ATP9B: variants seen among roughly 807,000 people sequenced by gnomAD.
The protein encoded by ATP9B is probable phospholipid-transporting ATPase IIB.
In ATP9B, 110 loss-of-function variants were observed where a neutral mutation model predicts 146.1. The ratio of observed to expected loss-of-function variants is 0.75; its 90% CI spans 0.65 to 0.88. The LOEUF (loss-of-function observed/expected upper bound fraction) is 0.88. Among genes scored for constraint, ATP9B ranks in the 40% least tolerant of loss-of-function variants. ATP9B has a pLI of 0.00. For missense variants in ATP9B, 1,499 were observed against 1,496.4 expected (o/e 1.00, Z -0.03); for synonymous variants, 604 against 569.7 (o/e 1.06, Z -0.86).
chr18:79,284,342 A>G (rs1555808077), intron 13 of ATP9B, among the ~76,000 whole-genome samples: 2 of 152,152 alleles, frequency 1.3e-5, no homozygotes, highest in Non-Finnish European at 2.9e-5. Flanking sequence ...TGTAATTAAC[A>G]TTTTGGGGGT....
At chr18:79,303,177 T>C (rs986593826) in intron 13 of ATP9B, among the ~76,000 whole-genome samples, 5 of 152,076 alleles carry the variant, frequency 3.3e-5, no homozygotes, top group Non-Finnish European at 5.9e-5. Flanking sequence ...GGCTGGGCAA[T>C]GTAGGGAGTC....
chr18:79,192,156 T>C (rs992979792), intron 8 of ATP9B, among the ~76,000 whole-genome samples: 13 of 152,192 alleles, frequency 8.5e-5, no homozygotes, highest in African/African-American at 3.1e-4. Context: ...TGAGCTTCCA[T>C]TTCTTTCTCA....
At chr18:79,073,619 G>A (rs968758357) in intron 1 of ATP9B, among the ~76,000 whole-genome samples, 1 of 152,090 alleles carries the variant, frequency 6.6e-6, no homozygotes, top group Non-Finnish European at 1.5e-5. Context: ...CGTGGAAAGC[G>A]GGAGACGGAG....
chr18:79,075,100 G>A (rs1399496058), intron 1 of ATP9B, among the ~76,000 whole-genome samples: 6 of 147,744 alleles, frequency 4.1e-5, no homozygotes, highest in Admixed American at 2.7e-4. Flanking sequence ...TTTTTGAGAC[G>A]GAGTCTCACT....
rs2094743139 is a variant in ATP9B at position 79,154,491 on chromosome 18, A to G, written c.727-13A>G. 1 of 1,530,700 alleles carries G rather than the reference A, an allele frequency of 6.5e-7. No individual in the cohort carries two copies. Among genetic ancestry groups the G allele is most frequent in the Non-Finnish European group, 8.7e-7 (1 of 1,145,602 alleles). 94.8% of individuals were successfully genotyped at this position (1,530,700 alleles called of 1,614,324 possible). On this transcript the variant is annotated splice_polypyrimidine_tract_variant and intron_variant, in intron 6 of 29. Coordinates refer to ENST00000426216, the MANE Select transcript of ATP9B (RefSeq NM_198531.5). ...GCATATAGATAATTAATCTTTTATA[A>G]TGCTCTTTGCAGAATCAAAGAATTC...
chr18:79,205,311 A>G (rs2095523361), intron 9 of ATP9B, among the ~76,000 whole-genome samples: 1 of 152,292 alleles, frequency 6.6e-6, no homozygotes, highest in South Asian at 2.1e-4. Context: ...AGAGAATCAG[A>G]TATCTAGCAA....
At chr18:79,180,975 GTT>G (rs199971384) in intron 8 of ATP9B, among the ~76,000 whole-genome samples, 7 of 140,634 alleles carry the variant, frequency 5.0e-5, no homozygotes, top group Non-Finnish European at 6.3e-5. Context: ...TTGTTTTTTT[GTT>G]TTTTTTTTTT....
At chr18:79,207,390 G>C (rs993181115) in intron 10 of ATP9B, among the ~76,000 whole-genome samples, 1 of 152,242 alleles carries the variant, frequency 6.6e-6, no homozygotes, top group African/African-American at 2.4e-5. Flanking sequence ...ATCCGACAAG[G>C]GTTGGCAGGA....
intron 1 of ATP9B, among the ~76,000 whole-genome samples, chr18:79,090,896 A>G (rs2074267038): frequency 6.6e-6 from 1 of 152,086 alleles, no homozygotes; most frequent in African/African-American, 2.4e-5. Flanking sequence ...ATTTTCTTGT[A>G]ATAGTTTCAT....
chr18:79,310,021 C>G (rs1022197812), intron 15 of ATP9B, among the ~76,000 whole-genome samples: 2 of 152,158 alleles, frequency 1.3e-5, no homozygotes, highest in East Asian at 3.8e-4. Context: ...ATTCCACAGA[C>G]AGTGGAAATA....
Position 79,206,921 on chromosome 18 carries a change from T to C in ATP9B, c.955-16T>C, listed in dbSNP as rs761188722. The C allele has an allele frequency of 6.2e-7, 1 of 1,612,104 alleles. No individual in the cohort carries two copies. ...ATCATTTGACGGTTTTGTTTTCTTT[T>C]TGTCTCCCTGCACAGGAAGACAGTG... On this transcript the variant is annotated splice_polypyrimidine_tract_variant and intron_variant, in intron 9 of 29. Transcript: ENST00000426216.
In ATP9B at chr18:79,348,144, TCA is replaced by T. The variant is rs1369868927; in HGVS notation, c.2852_2853del (p.Ser951CysfsTer87). On this transcript the variant is annotated frameshift_variant, in exon 25 of 30. Transcript: ENST00000426216. LOFTEE classifies it high-confidence loss of function. The stretch of plus-strand genomic sequence containing the variant: ...GCTCTCTCTCCAGGCTGTGTTTTCC[TCA>T]GTCTTCTACTTCGCATCCGTCCCTT... ...IISTMQAVFSSVFYFASVPLY... is the reference protein window; with the variant it reads ...IISTMQAVFSXVFYFASVPLY... 1 of 1,613,032 alleles carries T rather than the reference TCA, an allele frequency of 6.2e-7. No individual in the cohort carries two copies.
intron 17 of ATP9B, among the ~76,000 whole-genome samples, chr18:79,332,197 A>G (rs1223600591): frequency 2.0e-5 from 3 of 152,242 alleles, no homozygotes; most frequent in Non-Finnish European, 4.4e-5. Context: ...TGGGAGGCCA[A>G]GGCGGGCAGA....
At position 79,307,109 on chromosome 18, in the gene ATP9B, CTG is replaced by C; in HGVS notation, c.1652_1653del (p.Cys551SerfsTer8). The C allele has an allele frequency of 6.2e-7, 1 of 1,614,192 alleles. No homozygotes were observed. The highest frequency in any genetic ancestry group is 8.5e-7 in the Non-Finnish European group (1 of 1,180,042). ...CCATGAAGCCGTGAAAGCCATCGTG[CTG>C]TGTCACAACGTGACCCCCGTGTATG... ...RIHEAVKAIV[L>X]CHNVTPVYES... On this transcript the variant is annotated frameshift_variant, in exon 15 of 30. Transcript: ENST00000426216. LOFTEE classifies it high-confidence loss of function.
At chr18:79,320,510 A>G (rs2096709370) in intron 15 of ATP9B, among the ~76,000 whole-genome samples, 1 of 152,188 alleles carries the variant, frequency 6.6e-6, no homozygotes, top group Non-Finnish European at 1.5e-5. Context: ...CAGTCAGAGA[A>G]TGGGTCTCTA....
chr18:79,154,240 C>T (rs973027706), intron 6 of ATP9B, among the ~76,000 whole-genome samples: 7 of 151,734 alleles, frequency 4.6e-5, no homozygotes, highest in East Asian at 1.9e-4. Context: ...GAATTACAGG[C>T]GTGAGCCACC....
chr18:79,301,109 C>T (rs530850642), intron 13 of ATP9B, among the ~76,000 whole-genome samples: 1 of 152,318 alleles, frequency 6.6e-6, no homozygotes, highest in East Asian at 1.9e-4. Flanking sequence ...TTGGTACTTA[C>T]CCTAATATGA....
At position 79,110,343 on chromosome 18, in the gene ATP9B, T is replaced by C. The variant is rs1489861256; in HGVS notation, c.294-12T>C. 1.9e-6 allele frequency: 3 copies of C among 1,564,808 alleles called. No homozygotes were observed. The highest frequency in any genetic ancestry group is 2.6e-6 in the Non-Finnish European group (3 of 1,159,094). ...AAAAAAATACACAATACGTATCTTT[T>C]GTTTCATACAGTTGCTGTGGTTGGC... is the stretch of plus-strand genomic sequence containing the variant. On this transcript the variant is annotated splice_polypyrimidine_tract_variant and intron_variant, in intron 2 of 29. Coordinates refer to ENST00000426216, the MANE Select transcript of ATP9B (RefSeq NM_198531.5).
intron 14 of ATP9B, among the ~76,000 whole-genome samples, chr18:79,304,929 A>G (rs980914715): frequency 6.6e-6 from 1 of 152,252 alleles, no homozygotes; most frequent in African/African-American, 2.4e-5. Flanking sequence ...AGTGATCCAC[A>G]TAATAATGAG....
Sources: gnomAD v4.1 joint callset for allele counts (sites outside exome capture counted in the v4.1 genomes callset) on GRCh38, gnomAD v4.1.1 for gene constraint, MANE v1.5 for transcripts, NCBI Gene and HGNC (gene_info 2026-07-23, HGNC 2026-07-21) for gene names.